Variants in CSMD3 observed in about 807,000 individuals in gnomAD.
CSMD3 encodes CUB and sushi domain-containing protein 3.
In CSMD3, 177 loss-of-function variants were observed where a neutral mutation model predicts 435.2. That is an observed-to-expected ratio of 0.41 (90% CI 0.36 to 0.46). The LOEUF is 0.46. Among genes scored for constraint, CSMD3 ranks in the 20% least tolerant of loss-of-function variants. The pLI, the probability that CSMD3 is intolerant of heterozygous loss-of-function variation, is 0.34. For synonymous variants in CSMD3, 1,656 were observed against 1,520.5 expected (o/e 1.09, Z -2.07); for missense variants, 4,265 against 4,504.6 (o/e 0.95, Z 1.52).
At chr8:113,362,999 G>A (rs1039111944) in intron 1 of CSMD3, among the ~76,000 whole-genome samples, 1 of 152,136 alleles carries the variant, frequency 6.6e-6, no homozygotes, top group African/African-American at 2.4e-5. Flanking sequence ...AGCCCAGCCA[G>A]AATACTGACC....
intron 45 of CSMD3, among the ~76,000 whole-genome samples, chr8:112,333,638 AT>A (rs1440945790): frequency 6.6e-6 from 1 of 151,022 alleles, no homozygotes; most frequent in Admixed American, 6.7e-5. Context: ...TTATCCACAT[AT>A]TTTTATATGA....
chr8:112,947,985 A>G, intron 8 of CSMD3, 108 bp from the exon 9 acceptor site: 1 of 623,492 alleles, frequency 1.6e-6, no homozygotes, highest in Admixed American at 2.5e-5. Flanking sequence ...TTTTGTCACT[A>G]TAATCACTGT....
At chr8:113,405,819 A>T (rs891108766) in intron 1 of CSMD3, among the ~76,000 whole-genome samples, 7 of 151,834 alleles carry the variant, frequency 4.6e-5, no homozygotes, top group Non-Finnish European at 1.0e-4. Context: ...GATCTAGGGT[A>T]TATAGTATAA....
At chr8:112,747,820 G>A (rs1309421106) in intron 13 of CSMD3, among the ~76,000 whole-genome samples, 2 of 152,074 alleles carry the variant, frequency 1.3e-5, no homozygotes, top group Non-Finnish European at 2.9e-5. Flanking sequence ...AAAATTAGCC[G>A]GGCGCAGTGG....
intron 18 of CSMD3, among the ~76,000 whole-genome samples, chr8:112,655,636 G>A (rs1341994178): frequency 3.3e-5 from 5 of 151,616 alleles, no homozygotes; most frequent in African/African-American, 4.8e-5. Flanking sequence ...TAGTTTTCTC[G>A]ACTTATATTA....
intron 6 of CSMD3, among the ~76,000 whole-genome samples, chr8:112,995,624 C>T (rs2085621516): frequency 6.6e-6 from 1 of 151,104 alleles, no homozygotes. Flanking sequence ...ATTATGGTTC[C>T]TTAAATAAAT....
chr8:112,895,540 G>T (rs1326894491), intron 10 of CSMD3, among the ~76,000 whole-genome samples: 1 of 151,310 alleles, frequency 6.6e-6, no homozygotes, highest in Non-Finnish European at 1.5e-5. Context: ...ATAAAGGAAA[G>T]AAAATGAATA....
intron 1 of CSMD3, among the ~76,000 whole-genome samples, chr8:113,343,289 T>C (rs2094132037): frequency 6.6e-6 from 1 of 152,160 alleles, no homozygotes; most frequent in Admixed American, 6.5e-5. Context: ...CAATAGGAAA[T>C]GTTGGTACAG....
intron 66 of CSMD3, among the ~76,000 whole-genome samples, chr8:112,238,267 T>A (rs1208391186): frequency 6.6e-6 from 1 of 151,006 alleles, no homozygotes; most frequent in Non-Finnish European, 1.5e-5. Flanking sequence ...TAGGAAAAAG[T>A]CCTTTTTTTT....
chr8:112,965,288 C>G (rs2084375656), intron 7 of CSMD3, among the ~76,000 whole-genome samples: 1 of 151,954 alleles, frequency 6.6e-6, no homozygotes. Flanking sequence ...ATCAGCTACA[C>G]ACATAATGGT....
chr8:112,923,573 G>A (rs545967036), intron 9 of CSMD3, among the ~76,000 whole-genome samples: 4 of 152,000 alleles, frequency 2.6e-5, no homozygotes, highest in African/African-American at 7.2e-5. Context: ...GTTTCTCCTC[G>A]CATGATATTT....
intron 10 of CSMD3, among the ~76,000 whole-genome samples, chr8:112,881,259 T>C (rs1248023531): frequency 1.3e-5 from 2 of 152,022 alleles, no homozygotes; most frequent in African/African-American, 4.8e-5. Flanking sequence ...GGGTGTATAT[T>C]TGGGGACTTA....
rs191488484 is a variant in CSMD3, at chr8:113,055,203, T to C, written c.918-36024A>G. Among the ~76,000 whole-genome samples, 6 of 152,272 alleles carry C rather than the reference T, an allele frequency of 3.9e-5. No individual in the cohort carries two copies. In the East Asian group the frequency reaches 9.7e-4, roughly 25 times the overall value. ...TCTCACTCTGTCGCCCAGGCTGGAG[T>C]GCAGTGGCGTGATCTCGACTCACTG... On this transcript the variant is annotated intron_variant, in intron 5 of 70. Coordinates refer to ENST00000297405, the MANE Select transcript of CSMD3 (RefSeq NM_198123.2).
At chr8:112,390,814 G>A (rs1408583708) in intron 35 of CSMD3, 26 bp from the exon 36 acceptor site, 1 of 1,608,864 alleles carries the variant, frequency 6.2e-7, no homozygotes, top group Non-Finnish European at 8.5e-7. Context: ...TCCAAGAGAG[G>A]GAGTTAATTC....
chr8:112,499,349 A>C (rs558534640), intron 30 of CSMD3, among the ~76,000 whole-genome samples: 39 of 152,270 alleles, frequency 2.6e-4, no homozygotes, highest in African/African-American at 8.4e-4. Flanking sequence ...AAAAATGGCA[A>C]ATTAAGAATA....
intron 13 of CSMD3, among the ~76,000 whole-genome samples, chr8:112,779,620 C>A (rs577380446): frequency 2.6e-5 from 4 of 152,058 alleles, no homozygotes; most frequent in African/African-American, 9.6e-5. Context: ...GGATGGTCAG[C>A]ACCATCAAAG....
chr8:112,329,087 C>T (rs942481521), intron 45 of CSMD3, among the ~76,000 whole-genome samples: 1 of 151,990 alleles, frequency 6.6e-6, no homozygotes, highest in Non-Finnish European at 1.5e-5. Flanking sequence ...TTGTCTTCTC[C>T]GCATGCAGAC....
intron 3 of CSMD3, among the ~76,000 whole-genome samples, chr8:113,235,902 G>C (rs920615954): frequency 2.0e-5 from 3 of 152,064 alleles, no homozygotes; most frequent in Non-Finnish European, 4.4e-5. Flanking sequence ...GATGGTTACA[G>C]GTCCCTGATA....
intron 2 of CSMD3, among the ~76,000 whole-genome samples, chr8:113,299,847 A>G (rs2093750938): frequency 6.6e-6 from 1 of 152,088 alleles, no homozygotes; most frequent in South Asian, 2.1e-4. Flanking sequence ...TACAAAAATT[A>G]GCTAGGTGTG....
Sources: gnomAD v4.1 joint callset for allele counts (sites outside exome capture counted in the v4.1 genomes callset) on GRCh38, gnomAD v4.1.1 for gene constraint, MANE v1.5 for transcripts, NCBI Gene and HGNC (gene_info 2026-07-23, HGNC 2026-07-21) for gene names.